Variants in PTPN21 observed in about 807,000 individuals in gnomAD.
PTPN21 encodes tyrosine-protein phosphatase non-receptor type 21.
PTPN21 carries 77 observed loss-of-function variants against 131.8 expected under a neutral mutation model. The ratio of observed to expected loss-of-function variants is 0.58; its 90% CI spans 0.49 to 0.71. The LOEUF is 0.71. Among genes scored for constraint, PTPN21 ranks in the 30% least tolerant of loss-of-function variants. The pLI is 0.00. For missense variants in PTPN21, 1,552 were observed against 1,527.1 expected, an observed-to-expected ratio of 1.02 and a Z score of -0.27; for synonymous variants, 715 against 621.3, an observed-to-expected ratio of 1.15 and a Z score of -2.24.
intron 3 of PTPN21, among the ~76,000 whole-genome samples, chr14:88,514,307 A>C (rs896977354): frequency 1.4e-4 from 22 of 152,066 alleles, no homozygotes; most frequent in African/African-American, 5.3e-4. Context: ...TTCAGATTTA[A>C]ATGGTTCTTT....
At chr14:88,518,824 T>C (rs1430470738) in intron 2 of PTPN21, among the ~76,000 whole-genome samples, 2 of 152,060 alleles carry the variant, frequency 1.3e-5, no homozygotes, top group African/African-American at 4.8e-5. Flanking sequence ...TACTCTTAGT[T>C]TTGGTTTCTA....
chr14:88,479,934 G>C lies in PTPN21; in HGVS notation c.1497C>G (p.His499Gln), dbSNP rs1595352439. 3 of 1,605,808 alleles carry C rather than the reference G, an allele frequency of 1.9e-6. No homozygotes were observed. Among genetic ancestry groups the C allele is most frequent in the Non-Finnish European group, 2.5e-6 (3 of 1,179,682 alleles). ...CGGCCGCTGGCGAGGGGAGCTGTGC[G>C]TGCTCGCGGATCTCGGGCTGGCTGT... ...LVYSQPEIRE[H>Q]AQLPSPAAAH... Residue 499 changes from histidine (H) to glutamine (Q), a missense_variant, in exon 13 of 19, where the codon CAC becomes CAG. His to Gln is a conservative substitution (Grantham distance 24). Coordinates refer to ENST00000556564, the MANE Select transcript of PTPN21 (RefSeq NM_007039.4).
At chr14:88,470,561 C>G (rs1390604139) in intron 15 of PTPN21, among the ~76,000 whole-genome samples, 1 of 152,208 alleles carries the variant, frequency 6.6e-6, no homozygotes, top group African/African-American at 2.4e-5. Context: ...TCTAATACAA[C>G]AGTAATTACT....
In PTPN21 at chr14:88,533,191, C is replaced by A. The variant is rs114961172; in HGVS notation, c.181-15930G>T. 5.3e-3 allele frequency among the ~76,000 whole-genome samples: 808 copies of A among 152,300 alleles called. 5 individuals are homozygous for A. The highest frequency in any genetic ancestry group is 0.019 in the African/African-American group (786 of 41,560). ...CAAGTACAAGCATATTTTCCAAAGC[C>A]AAACATGAAAGCTGTTTCCATTTCT... is the stretch of plus-strand genomic sequence containing the variant. On this transcript the variant is annotated intron_variant, in intron 2 of 18. Coordinates refer to ENST00000556564, the MANE Select transcript of PTPN21 (RefSeq NM_007039.4).
intron 2 of PTPN21, among the ~76,000 whole-genome samples, chr14:88,537,192 T>C (rs1382526673): frequency 1.3e-5 from 2 of 152,326 alleles, no homozygotes; most frequent in East Asian, 1.9e-4. Flanking sequence ...TCTGAAATTA[T>C]ACTGAAGTCC....
chr14:88,474,096 T>TAAA lies in PTPN21; in HGVS notation c.2512-297_2512-295dup, dbSNP rs1168665023. On this transcript the variant is annotated intron_variant, in intron 13 of 18. Coordinates refer to ENST00000556564, the MANE Select transcript of PTPN21 (RefSeq NM_007039.4). ...GGCTCCAGGCAGACTGCATTCCTTT[T>TAAA]AAAACAAGACAGACGTAACAAATCA... 1.0e-4 allele frequency among the ~76,000 whole-genome samples: 6 copies of TAAA among 58,634 alleles called. No homozygotes were observed. The Admixed American group carries it at 1.5e-3, about 15-fold the overall frequency. The allele number at this position is 58,634 out of a possible 152,430, so 38.5% of individuals were successfully genotyped here.
chr14:88,487,348 G>GC (rs2077753447), intron 10 of PTPN21, among the ~76,000 whole-genome samples: 1 of 151,948 alleles, frequency 6.6e-6, no homozygotes, highest in Admixed American at 6.6e-5. Flanking sequence ...TGTGACCTTT[G>GC]GTTACAGTGT....
Position 88,506,991 on chromosome 14 carries a change from G to C in PTPN21, c.448+932C>G, listed in dbSNP as rs140983397. 1.8e-3 allele frequency among the ~76,000 whole-genome samples: 278 copies of C among 152,186 alleles called. 3 individuals carry two copies. Among genetic ancestry groups the C allele is most frequent in the African/African-American group, 5.9e-3 (246 of 41,512 alleles). On this transcript the variant is annotated intron_variant, in intron 4 of 18. Coordinates refer to ENST00000556564, the MANE Select transcript of PTPN21 (RefSeq NM_007039.4). ...AACCCAGGAGGCGGAGGAGGTTGCA[G>C]TGAGCCGAGATCGTGCCACTGCACT...
At chr14:88,523,587 G>A (rs79907710) in intron 2 of PTPN21, among the ~76,000 whole-genome samples, 1,915 of 152,148 alleles carry the variant, frequency 0.013, 40 homozygotes, top group African/African-American at 0.043. Flanking sequence ...TTGTACTGAA[G>A]GTTCTAACCA....
chr14:88,494,067 T>C (rs758217212), intron 10 of PTPN21, among the ~76,000 whole-genome samples: 34 of 152,188 alleles, frequency 2.2e-4, no homozygotes, highest in Admixed American at 8.5e-4. Context: ...CACATGGTGC[T>C]AAGTGCTATA....
rs560499990 is a variant in PTPN21, at chr14:88,523,027, CA to C, written c.181-5767del. ...TTTCCAAAATAATTTAAAATCCATT[CA>C]AAAAACAAACAAGGTGGGGAGTGAG... On this transcript the variant is annotated intron_variant, in intron 2 of 18. Coordinates refer to ENST00000556564, the MANE Select transcript of PTPN21 (RefSeq NM_007039.4). Among the ~76,000 whole-genome samples the C allele has an allele frequency of 1.9e-4, 29 of 150,410 alleles. No homozygotes were observed. In the East Asian group the frequency reaches 5.6e-3, roughly 29 times the overall value.
At chr14:88,539,570 A>G (rs2078677183) in intron 2 of PTPN21, among the ~76,000 whole-genome samples, 1 of 152,076 alleles carries the variant, frequency 6.6e-6, no homozygotes, top group Non-Finnish European at 1.5e-5. Context: ...ATTTCCTTTT[A>G]AAGTAAATAG....
intron 9 of PTPN21, 25 bp downstream of exon 9, chr14:88,497,178 A>G (rs2077931229): frequency 2.6e-6 from 4 of 1,546,074 alleles, no homozygotes; most frequent in Non-Finnish European, 3.6e-6. Flanking sequence ...AAAACATTCC[A>G]TGCAGACCCC....
At chr14:88,534,502 CTA>C (rs2078601140) in intron 2 of PTPN21, among the ~76,000 whole-genome samples, 1 of 152,000 alleles carries the variant, frequency 6.6e-6, no homozygotes, top group Admixed American at 6.6e-5. Flanking sequence ...GTGTTTTAAC[CTA>C]TGTTATTACA....
rs754669055 is a variant in PTPN21 at position 88,500,846 on chromosome 14, A to G, written c.701T>C (p.Ile234Thr). The change falls in exon 8 of 19, where the codon ATT (isoleucine) becomes ACT (threonine). Residue 234 changes from isoleucine to threonine, a missense_variant. Coordinates refer to ENST00000556564, the MANE Select transcript of PTPN21 (RefSeq NM_007039.4). ...AAAGATACCTTCAAGACACGCTCCAATGGATATGTCACTTCCTTGGCTATC... is the reference window on the plus strand; with the variant it reads ...AAAGATACCTTCAAGACACGCTCCAGTGGATATGTCACTTCCTTGGCTATC... ...AKDSQGSDISIGACLEGIFVK... is the reference protein window; with the variant it reads ...AKDSQGSDISTGACLEGIFVK... 2.7e-5 allele frequency: 43 copies of G among 1,613,706 alleles called. No individual in the cohort carries two copies. The highest frequency in any genetic ancestry group is 3.4e-5 in the Non-Finnish European group (40 of 1,179,710).
chr14:88,478,428 A>G (rs2077578951), intron 13 of PTPN21, among the ~76,000 whole-genome samples: 2 of 152,164 alleles, frequency 1.3e-5, no homozygotes, highest in Admixed American at 1.3e-4. Flanking sequence ...CAAGATATGT[A>G]AGCTGTATCC....
chr14:88,495,357 C>T (rs2140122312), intron 10 of PTPN21, among the ~76,000 whole-genome samples: 2 of 152,204 alleles, frequency 1.3e-5, no homozygotes, highest in East Asian at 3.9e-4. Context: ...CGGTAGGATG[C>T]AGGAGTCAAG....
rs901113601 is a variant in PTPN21, at chr14:88,479,707, G to A, written c.1724C>T (p.Ala575Val). Residue 575 changes from alanine (A) to valine (V), a missense_variant, in exon 13 of 19, where the codon GCC (alanine) becomes GTC (valine). Transcript: ENST00000556564. ...GCGGGACAGGTCTGGCGTGCTGTTG[G>A]CGGGCCTGGGGGGCGGGTAGGGTGG... ...PPPPYPPPRPANSTPDLSRHL... is the reference protein window; with the variant it reads ...PPPPYPPPRPVNSTPDLSRHL... 2 of 1,507,480 alleles carry A rather than the reference G, an allele frequency of 1.3e-6. No homozygotes were observed. Among genetic ancestry groups the A allele is most frequent in the Non-Finnish European group, 1.8e-6 (2 of 1,138,322 alleles). 93.4% of individuals were successfully genotyped at this position (1,507,480 alleles called of 1,614,324 possible).
At chr14:88,552,786 G>A (rs2078885500) in intron 1 of PTPN21, among the ~76,000 whole-genome samples, 1 of 152,128 alleles carries the variant, frequency 6.6e-6, no homozygotes, top group African/African-American at 2.4e-5. Flanking sequence ...AACTAAATAA[G>A]TAAAGCAAGA....
Sources: gnomAD v4.1 joint callset for allele counts (sites outside exome capture counted in the v4.1 genomes callset) on GRCh38, gnomAD v4.1.1 for gene constraint, MANE v1.5 for transcripts, NCBI Gene and HGNC (gene_info 2026-07-23, HGNC 2026-07-21) for gene names.